Variants in RIC1 observed in about 807,000 individuals in gnomAD.
RIC1 encodes RIC1 partner of RAB6A GEF complex, also known as guanine nucleotide exchange factor subunit RIC1.
Under a neutral mutation model 169.0 loss-of-function variants are expected in RIC1, and 88 were observed. That is an observed-to-expected ratio of 0.52 (90% CI 0.44 to 0.62). The LOEUF (loss-of-function observed/expected upper bound fraction) is 0.62, where lower values mean the gene tolerates loss of function less well. Ranked by LOEUF, RIC1 falls within the 20% of genes least tolerant of loss-of-function variation. RIC1 has a pLI of 0.00. For missense variants in RIC1, 1,877 were observed against 1,725.5 expected, an observed-to-expected ratio of 1.09 and a Z score of -1.56; for synonymous variants, 790 against 601.5, an observed-to-expected ratio of 1.31 and a Z score of -4.59.
chr9:5,732,870 A>C (rs1487962953), intron 7 of RIC1, among the ~76,000 whole-genome samples: 1 of 152,164 alleles, frequency 6.6e-6, no homozygotes, highest in Non-Finnish European at 1.5e-5. Flanking sequence ...GCTTTAGTTA[A>C]CAAGCAAATT....
chr9:5,698,111 C>A (rs889395380), intron 3 of RIC1, among the ~76,000 whole-genome samples: 11 of 152,178 alleles, frequency 7.2e-5, no homozygotes, highest in African/African-American at 2.7e-4. Flanking sequence ...CCACATTATT[C>A]TTTTCTTTAG....
intron 2 of RIC1, among the ~76,000 whole-genome samples, chr9:5,672,907 C>T (rs1304611823): frequency 6.6e-6 from 1 of 152,148 alleles, no homozygotes. Flanking sequence ...ATTAGAACAA[C>T]ATCTCATAGC....
chr9:5,774,098 A>T lies in RIC1; in HGVS notation c.4124A>T (p.Glu1375Val). 1 of 1,614,110 alleles carries T rather than the reference A, an allele frequency of 6.2e-7. No individual in the cohort carries two copies. Among genetic ancestry groups the T allele is most frequent in the Non-Finnish European group, 8.5e-7 (1 of 1,180,008 alleles). The stretch of plus-strand genomic sequence containing the variant: ...CCAGAACAGACTAGCCCCCGGGCAG[A>T]GGAGAGCAGGGGCTCCTCCAGCCAT... ...KTPEQTSPRA[E>V]ESRGSSSHGS... is the part of the protein sequence containing the mutation. Residue 1375 changes from glutamate (E) to valine (V), a missense_variant, in exon 26 of 26, where the codon GAG (glutamate) becomes GTG (valine). Coordinates refer to ENST00000414202, the MANE Select transcript of RIC1 (RefSeq NM_020829.4).
At chr9:5,728,850 T>C (rs1017237298) in intron 6 of RIC1, among the ~76,000 whole-genome samples, 1 of 152,260 alleles carries the variant, frequency 6.6e-6, no homozygotes, top group African/African-American at 2.4e-5. Context: ...CTAATTAATA[T>C]ATGGATTTGG....
At chr9:5,773,866 C>T in intron 25 of RIC1, 92 bp from the exon 26 acceptor site, 1 of 1,227,252 alleles carries the variant, frequency 8.1e-7, no homozygotes, top group East Asian at 2.4e-5. Context: ...GTCGTCTTTA[C>T]CATATCAATG....
intron 10 of RIC1, among the ~76,000 whole-genome samples, chr9:5,743,994 G>C (rs138891143): frequency 6.6e-6 from 1 of 152,022 alleles, no homozygotes; most frequent in East Asian, 1.9e-4. Context: ...TAGAGACGTG[G>C]TCTTGCCATG....
At position 5,671,273 on chromosome 9, in the gene RIC1, T is replaced by A. The variant is rs952394079; in HGVS notation, c.252+14583T>A. Among the ~76,000 whole-genome samples the A allele has an allele frequency of 3.4e-5, 5 of 147,306 alleles. No homozygotes were observed. The South Asian group carries it at 8.4e-4, about 25-fold the overall frequency. ...TTATTTATTTTATTATTATTATTAT[T>A]ATTTTTTTTTTTTTGAGACGGCATC... On this transcript the variant is annotated intron_variant, in intron 2 of 25. Transcript: ENST00000414202.
intron 3 of RIC1, among the ~76,000 whole-genome samples, chr9:5,697,513 C>T (rs1821973236): frequency 6.6e-6 from 1 of 152,168 alleles, no homozygotes; most frequent in East Asian, 1.9e-4. Context: ...AATTTTCAGT[C>T]TTTTTCCACT....
chr9:5,680,411 G>C (rs1820744662), intron 2 of RIC1, among the ~76,000 whole-genome samples: 1 of 152,186 alleles, frequency 6.6e-6, no homozygotes, highest in Non-Finnish European at 1.5e-5. Flanking sequence ...GTTTCAGAAG[G>C]AATGGTACCA....
At chr9:5,739,174 A>G (rs958348913) in intron 8 of RIC1, among the ~76,000 whole-genome samples, 9 of 152,092 alleles carry the variant, frequency 5.9e-5, no homozygotes, top group African/African-American at 1.9e-4. Context: ...AATCCACTCC[A>G]CCTTCTGAAT....
intron 3 of RIC1, among the ~76,000 whole-genome samples, chr9:5,699,115 G>A (rs1822068560): frequency 2.0e-5 from 3 of 152,126 alleles, no homozygotes; most frequent in African/African-American, 4.8e-5. Flanking sequence ...TTAATATAGC[G>A]AGAAACTCCT....
chr9:5,644,506 A>T (rs547005763), intron 1 of RIC1, among the ~76,000 whole-genome samples: 1 of 152,338 alleles, frequency 6.6e-6, no homozygotes, highest in East Asian at 1.9e-4. Flanking sequence ...TGCATTGTAC[A>T]CATAAGTAAC....
chr9:5,669,152 G>T (rs1316609794), intron 2 of RIC1, among the ~76,000 whole-genome samples: 1 of 152,096 alleles, frequency 6.6e-6, no homozygotes, highest in Non-Finnish European at 1.5e-5. Context: ...TTTCTCTTTT[G>T]TTTTCTCTGT....
chr9:5,706,359 G>A (rs962957550), intron 3 of RIC1, among the ~76,000 whole-genome samples: 1 of 152,194 alleles, frequency 6.6e-6, no homozygotes, highest in Non-Finnish European at 1.5e-5. Flanking sequence ...GGCTAAGGCA[G>A]GAGAATTGCT....
intron 3 of RIC1, among the ~76,000 whole-genome samples, chr9:5,706,977 A>C (rs1002612265): frequency 1.3e-5 from 2 of 152,106 alleles, no homozygotes; most frequent in Non-Finnish European, 2.9e-5. Flanking sequence ...TACTAGTTCC[A>C]TAAGGTATAA....
At chr9:5,686,382 G>A (rs1423417127) in intron 2 of RIC1, among the ~76,000 whole-genome samples, 1 of 152,014 alleles carries the variant, frequency 6.6e-6, no homozygotes, top group African/African-American at 2.4e-5. Flanking sequence ...CAACCCAAAT[G>A]TCCAACAATG....
chr9:5,768,893 C>T (rs1453370406), intron 21 of RIC1, 77 bp from the exon 22 acceptor site: 7 of 1,441,562 alleles, frequency 4.9e-6, no homozygotes, highest in Non-Finnish European at 6.5e-6. Context: ...TCAGCTTTAT[C>T]AGTACCTCTG....
intron 2 of RIC1, among the ~76,000 whole-genome samples, chr9:5,686,609 A>T (rs1821246502): frequency 8.0e-6 from 1 of 124,410 alleles, no homozygotes; most frequent in Non-Finnish European, 1.6e-5. Flanking sequence ...GGGGAATATC[A>T]CACTCTGGGG....
intron 2 of RIC1, among the ~76,000 whole-genome samples, chr9:5,678,624 T>G (rs1249748183): frequency 1.3e-5 from 2 of 152,176 alleles, no homozygotes; most frequent in African/African-American, 4.8e-5. Flanking sequence ...TTTCATGTGT[T>G]TTTTGGCTGC....
Sources: gnomAD v4.1 joint callset for allele counts (sites outside exome capture counted in the v4.1 genomes callset) on GRCh38, gnomAD v4.1.1 for gene constraint, MANE v1.5 for transcripts, NCBI Gene and HGNC (gene_info 2026-07-23, HGNC 2026-07-21) for gene names.